DLGAP2: variants seen among roughly 807,000 people sequenced by gnomAD.
The protein encoded by DLGAP2 is disks large-associated protein 2.
DLGAP2 carries 26 observed loss-of-function variants against 100.3 expected under a neutral mutation model. The observed-to-expected ratio is 0.26, with a 90% CI of 0.19 to 0.36. DLGAP2 has a LOEUF of 0.36. Ranked by LOEUF, DLGAP2 falls within the 10% of genes least tolerant of loss-of-function variation. DLGAP2 has a pLI of 1.00. For missense variants in DLGAP2, 1,858 were observed against 1,453.2 expected (o/e 1.28, Z -4.53); for synonymous variants, 886 against 630.1 (o/e 1.41, Z -6.08).
chr8:1,232,339 G>A (rs758501947), intron 2 of DLGAP2, among the ~76,000 whole-genome samples: 10 of 152,226 alleles, frequency 6.6e-5, no homozygotes, highest in Non-Finnish European at 1.0e-4. Flanking sequence ...CCCACAGGCT[G>A]TGAAGAGCCC....
At chr8:1,102,653 ACTCGC>A (rs1327953202) in intron 2 of DLGAP2, among the ~76,000 whole-genome samples, 1 of 152,082 alleles carries the variant, frequency 6.6e-6, no homozygotes, top group African/African-American at 2.4e-5. Flanking sequence ...TCATGTGGGC[ACTCGC>A]CTCTGTGGCA....
At chr8:1,453,386 A>G (rs938844004) in intron 3 of DLGAP2, among the ~76,000 whole-genome samples, 3 of 152,204 alleles carry the variant, frequency 2.0e-5, no homozygotes, top group Non-Finnish European at 2.9e-5. Flanking sequence ...AGAAAGAAAG[A>G]CAGCCCATAA....
At chr8:1,445,304 T>A (rs1797955465) in intron 3 of DLGAP2, among the ~76,000 whole-genome samples, 2 of 143,262 alleles carry the variant, frequency 1.4e-5, no homozygotes, top group African/African-American at 5.2e-5. Context: ...TCTTCTAATT[T>A]GTTCAATTCC....
chr8:1,460,890 C>T (rs1798452189), intron 3 of DLGAP2, among the ~76,000 whole-genome samples: 1 of 152,178 alleles, frequency 6.6e-6, no homozygotes, highest in Non-Finnish European at 1.5e-5. Context: ...CCACACAAGT[C>T]TTTGGGTCGG....
intron 5 of DLGAP2, among the ~76,000 whole-genome samples, chr8:1,558,842 C>T (rs1182145089): frequency 7.3e-6 from 1 of 137,926 alleles, no homozygotes; most frequent in African/African-American, 2.5e-5. Context: ...CATGCACACC[C>T]ATATACCTGC....
At chr8:1,071,619 C>A (rs1803433470) in intron 2 of DLGAP2, among the ~76,000 whole-genome samples, 2 of 152,174 alleles carry the variant, frequency 1.3e-5, no homozygotes, top group South Asian at 4.1e-4. Context: ...CATTTTCCAC[C>A]TGGTTCATTT....
At chr8:1,111,125 AACATC>A (rs1278593395) in intron 2 of DLGAP2, among the ~76,000 whole-genome samples, 2 of 152,344 alleles carry the variant, frequency 1.3e-5, no homozygotes, top group East Asian at 3.9e-4. Context: ...CCAAGCCCAG[AACATC>A]ACTGATGGCA....
At chr8:791,322 G>T (rs1183709142) in intron 1 of DLGAP2, among the ~76,000 whole-genome samples, 1 of 152,194 alleles carries the variant, frequency 6.6e-6, no homozygotes, top group Non-Finnish European at 1.5e-5. Flanking sequence ...CCACAGAGAA[G>T]CCCAGGCTGT....
At chr8:1,339,502 C>G (rs1801371101) in intron 3 of DLGAP2, among the ~76,000 whole-genome samples, 1 of 152,210 alleles carries the variant, frequency 6.6e-6, no homozygotes, top group Admixed American at 6.5e-5. Context: ...TCTGGAACCG[C>G]AGCACTGTCC....
chr8:761,612 C>G (rs891719746), intron 1 of DLGAP2, among the ~76,000 whole-genome samples: 1 of 152,232 alleles, frequency 6.6e-6, no homozygotes, highest in Non-Finnish European at 1.5e-5. Context: ...TCCATGCACC[C>G]TTAGGGAACA....
At position 1,241,932 on chromosome 8, in the gene DLGAP2, G is replaced by A. The variant is rs1585183092; in HGVS notation, c.74-16919G>A. ...GTTCTTGAAGTTTTAATATGACAAG[G>A]TACATGAATGATGATCACTGCCTCT... On this transcript the variant is annotated intron_variant, in intron 2 of 14. Transcript: ENST00000637795. 7.9e-5 allele frequency among the ~76,000 whole-genome samples: 12 copies of A among 152,278 alleles called. No homozygotes were observed. In the South Asian group the frequency reaches 2.3e-3, roughly 29 times the overall value.
intron 2 of DLGAP2, among the ~76,000 whole-genome samples, chr8:978,943 C>T (rs1013814384): frequency 3.9e-5 from 6 of 152,152 alleles, no homozygotes; most frequent in African/African-American, 1.2e-4. Context: ...CTGCTGGCAA[C>T]GAGTTTAGGG....
Position 1,252,766 on chromosome 8 carries a change from G to A in DLGAP2, c.74-6085G>A, listed in dbSNP as rs115821073. ...CATCTAGAGCTCCTGTTGAAGCGCG[G>A]CCGGATGTGGTGCCTCCAGGTGGCT... On this transcript the variant is annotated intron_variant, in intron 2 of 14. Coordinates refer to ENST00000637795, the MANE Select transcript of DLGAP2 (RefSeq NM_001346810.2). Among the ~76,000 whole-genome samples, 586 of 152,384 alleles carry A rather than the reference G, an allele frequency of 3.8e-3. 5 individuals are homozygous for A. Among genetic ancestry groups the A allele is most frequent in the African/African-American group, 0.014 (567 of 41,596 alleles).
chr8:846,028 CACTT>C (rs1249043161), intron 1 of DLGAP2, among the ~76,000 whole-genome samples: 3 of 152,226 alleles, frequency 2.0e-5, no homozygotes, highest in African/African-American at 2.4e-5. Context: ...TACTTATACA[CACTT>C]ACGGAGTACA....
In DLGAP2 at chr8:1,633,009, A is replaced by G. The variant is rs1433124469; in HGVS notation, c.1773A>G (p.Thr591=). The change falls in exon 8 of 15, where the codon ACA becomes ACG. Residue 591 remains threonine, a synonymous_variant. Coordinates refer to ENST00000637795, the MANE Select transcript of DLGAP2 (RefSeq NM_001346810.2). ...ATGACGAATGTATTCCCATGATGAC[A>G]CCCTCTGACATCACCTCCACCATCA... The part of the protein sequence containing the change: ...SQDDECIPMM[T]PSDITSTIRS... The G allele has an allele frequency of 6.2e-7, 1 of 1,613,870 alleles. No individual in the cohort carries two copies. Among genetic ancestry groups the G allele is most frequent in the South Asian group, 1.1e-5 (1 of 91,066 alleles).
intron 1 of DLGAP2, among the ~76,000 whole-genome samples, chr8:888,341 A>G (rs901778830): frequency 7.2e-5 from 11 of 152,138 alleles, no homozygotes; most frequent in African/African-American, 2.7e-4. Flanking sequence ...CCTTTAGCTC[A>G]TCGTAGTTTT....
At chr8:1,256,170 C>G (rs1799207610) in intron 2 of DLGAP2, among the ~76,000 whole-genome samples, 1 of 127,198 alleles carries the variant, frequency 7.9e-6, no homozygotes, top group South Asian at 2.7e-4. Flanking sequence ...TGTGTGTCCT[C>G]TCATCCTGCC....
chr8:875,486 C>G (rs1196435382), intron 1 of DLGAP2, among the ~76,000 whole-genome samples: 1 of 152,196 alleles, frequency 6.6e-6, no homozygotes, highest in Non-Finnish European at 1.5e-5. Flanking sequence ...GGGGCTTCCC[C>G]TTTCCCTCGG....
intron 2 of DLGAP2, among the ~76,000 whole-genome samples, chr8:1,039,979 GGTGTGCATGGTCTGCTCA>G (rs1802276413): frequency 6.9e-6 from 1 of 145,076 alleles, no homozygotes; most frequent in East Asian, 2.1e-4. Flanking sequence ...TGGTCGGCTC[GGTGTGCATGGTCTGCTCA>G]GTTTCCGTGG....
Sources: allele counts gnomAD v4.1 joint callset (sites outside exome capture counted in the v4.1 genomes callset), GRCh38; gene constraint gnomAD v4.1.1; transcripts MANE v1.5; gene names NCBI Gene and HGNC (gene_info 2026-07-23, HGNC 2026-07-21).